The following DPP4 variants were observed in gnomAD, a reference collection of about 807,000 sequenced individuals.
The protein encoded by DPP4 is ADCP-2.
Under a neutral mutation model 122.4 loss-of-function variants are expected in DPP4, and 93 were observed. That is an observed-to-expected ratio of 0.76 (90% CI 0.64 to 0.90). The LOEUF (loss-of-function observed/expected upper bound fraction) is 0.90, where lower values mean the gene tolerates loss of function less well. Among genes scored for constraint, DPP4 ranks in the 40% least tolerant of loss-of-function variants. The pLI is 0.00. For synonymous variants in DPP4, 321 were observed against 302.9 expected (o/e 1.06, Z -0.62); for missense variants, 914 against 907.3 (o/e 1.01, Z -0.09).
chr2:162,044,089 G>C (rs1281633334), intron 5 of DPP4, among the ~76,000 whole-genome samples: 1 of 152,130 alleles, frequency 6.6e-6, no homozygotes, highest in Non-Finnish European at 1.5e-5. Context: ...TACTGATCTG[G>C]GGATTGAACC....
chr2:162,072,995 T>C (rs1685169114), intron 2 of DPP4, among the ~76,000 whole-genome samples: 1 of 152,206 alleles, frequency 6.6e-6, no homozygotes, highest in African/African-American at 2.4e-5. Context: ...CCATTTCAGA[T>C]ATCCTTACTG....
chr2:162,073,229 G>A lies in DPP4; in HGVS notation c.94+170C>T, dbSNP rs979320623. The stretch of plus-strand genomic sequence containing the variant: ...CTAAACACTGAAGACCCCGCGAAGT[G>A]AATCCAGCTGCTGCTCTACAAGCAG... On this transcript the variant is annotated intron_variant, in intron 2 of 25. Coordinates refer to ENST00000360534, the MANE Select transcript of DPP4 (RefSeq NM_001935.4). The A allele has an allele frequency of 3.2e-5, 20 of 616,852 alleles. No homozygotes were observed. In the African/African-American group the frequency reaches 3.6e-4, roughly 11 times the overall value. 38.2% of individuals were successfully genotyped at this position (616,852 alleles called of 1,614,324 possible). A position where few individuals can be genotyped will look rare whatever the true frequency, so the allele number is the denominator to read the frequency against.
At chr2:162,005,337 G>T (rs1701257285) in intron 23 of DPP4, among the ~76,000 whole-genome samples, 1 of 152,102 alleles carries the variant, frequency 6.6e-6, no homozygotes, top group Non-Finnish European at 1.5e-5. Context: ...AATTGGCTAT[G>T]AGTAAGAAAA....
intron 12 of DPP4, among the ~76,000 whole-genome samples, chr2:162,021,288 A>C (rs1360010629): frequency 1.3e-5 from 2 of 152,196 alleles, no homozygotes; most frequent in East Asian, 3.8e-4. Context: ...CATTTTGTTA[A>C]ATATGATCAA....
Position 161,994,693 on chromosome 2 carries a change from G to C in DPP4, c.2199+268C>G, listed in dbSNP as rs1431111771. ...TTACTTTTGAATCAAAATAGGGAGA[G>C]ACTGAACAATCACATGAACAGGAGA... On this transcript the variant is annotated intron_variant, in intron 25 of 25. Coordinates refer to ENST00000360534, the MANE Select transcript of DPP4 (RefSeq NM_001935.4). Among the ~76,000 whole-genome samples, 8 of 152,282 alleles carry C rather than the reference G, an allele frequency of 5.3e-5. No individual in the cohort carries two copies. The East Asian group carries it at 1.5e-3, about 29-fold the overall frequency.
intron 13 of DPP4, 107 bp from the exon 14 acceptor site, chr2:162,020,403 G>T: frequency 8.9e-7 from 1 of 1,125,488 alleles, no homozygotes; most frequent in Non-Finnish European, 1.3e-6. Context: ...AAATAACCTT[G>T]GATTTTCTTG....
chr2:162,020,384 C>A, intron 13 of DPP4, 88 bp from the exon 14 acceptor site: 2 of 1,182,818 alleles, frequency 1.7e-6, no homozygotes, highest in Middle Eastern at 2.3e-4. Context: ...TCATTTATAT[C>A]AGGAATTCAA....
chr2:162,053,787 T>C (rs1351303929), intron 2 of DPP4, among the ~76,000 whole-genome samples: 1 of 152,220 alleles, frequency 6.6e-6, no homozygotes, highest in African/African-American at 2.4e-5. Context: ...GGGACATGGC[T>C]ACCTCCACCT....
intron 2 of DPP4, among the ~76,000 whole-genome samples, chr2:162,063,318 ACTGCAC>A (rs1684845436): frequency 1.3e-5 from 2 of 152,334 alleles, no homozygotes; most frequent in African/African-American, 4.8e-5. Context: ...GCAGTTGTAT[ACTGCAC>A]CTAGAGCTCA....
At chr2:162,021,971 A>G (rs1422063137) in intron 12 of DPP4, among the ~76,000 whole-genome samples, 1 of 152,072 alleles carries the variant, frequency 6.6e-6, no homozygotes, top group Non-Finnish European at 1.5e-5. Context: ...TGGGGACCTC[A>G]CCTCTATGAT....
In DPP4 at chr2:162,053,067, T is replaced by C. The variant is rs185621579; in HGVS notation, c.95-5566A>G. Among the ~76,000 whole-genome samples, 384 of 152,272 alleles carry C rather than the reference T, an allele frequency of 2.5e-3. 8 individuals are homozygous for C. Among genetic ancestry groups the C allele is most frequent in the Non-Finnish European group, 4.9e-4 (33 of 68,010 alleles). On this transcript the variant is annotated intron_variant, in intron 2 of 25. Coordinates refer to ENST00000360534, the MANE Select transcript of DPP4 (RefSeq NM_001935.4). ...GAAAATGTGAGAAGAGAAAAACAAA[T>C]TATAGACAGAGTTCATAATCATAAG...
At chr2:162,019,196 A>T (rs1411738578) in intron 15 of DPP4, 27 bp downstream of exon 15, 2 of 1,583,384 alleles carry the variant, frequency 1.3e-6, no homozygotes, top group South Asian at 2.3e-5. Context: ...AAAATGACTC[A>T]AGTCAACAAC....
chr2:162,043,696 C>A (rs1479185630), intron 5 of DPP4, among the ~76,000 whole-genome samples: 1 of 152,172 alleles, frequency 6.6e-6, no homozygotes, highest in Non-Finnish European at 1.5e-5. Context: ...GGGTTCTCAG[C>A]CCTGGTTGCC....
chr2:162,004,346 A>G (rs1395438801), intron 23 of DPP4, among the ~76,000 whole-genome samples: 1 of 152,194 alleles, frequency 6.6e-6, no homozygotes, highest in Non-Finnish European at 1.5e-5. Flanking sequence ...GAAGAAGGAA[A>G]TGAGTGTCTA....
In DPP4 at chr2:162,074,101, A is replaced by G. The variant is rs1348431816; in HGVS notation, c.-120T>C. ...GGCGGTGGAGTCACTCGCCGCTGGC[A>G]AGTTTCGGCCCCGAGTTAAACATTA... On this transcript the variant is annotated 5_prime_UTR_variant, in exon 1 of 26. Coordinates refer to ENST00000360534, the MANE Select transcript of DPP4 (RefSeq NM_001935.4). 8 of 1,474,302 alleles carry G rather than the reference A, an allele frequency of 5.4e-6. No individual in the cohort carries two copies. Among genetic ancestry groups the G allele is most frequent in the Non-Finnish European group, 7.2e-6 (8 of 1,111,780 alleles). The allele number at this position is 1,474,302 out of a possible 1,614,324, so 91.3% of individuals were successfully genotyped here.
chr2:162,068,435 A>G (rs1032363159), intron 2 of DPP4, among the ~76,000 whole-genome samples: 14 of 152,284 alleles, frequency 9.2e-5, no homozygotes, highest in African/African-American at 3.4e-4. Flanking sequence ...AAGTTCCTTA[A>G]CTTCTTTGAT....
At chr2:162,072,197 GCCCTATAT>G (rs1237486317) in intron 2 of DPP4, among the ~76,000 whole-genome samples, 2 of 152,186 alleles carry the variant, frequency 1.3e-5, no homozygotes, top group Non-Finnish European at 2.9e-5. Context: ...AAGCCTGTAA[GCCCTATAT>G]TTATCAATTG....
intron 10 of DPP4, among the ~76,000 whole-genome samples, chr2:162,030,987 C>G (rs991014807): frequency 6.6e-6 from 1 of 152,186 alleles, no homozygotes; most frequent in African/African-American, 2.4e-5. Flanking sequence ...ACAGCTGTGC[C>G]TTGGAAACGG....
At chr2:162,071,075 G>T (rs545282648) in intron 2 of DPP4, among the ~76,000 whole-genome samples, 1 of 152,196 alleles carries the variant, frequency 6.6e-6, no homozygotes, top group East Asian at 1.9e-4. Flanking sequence ...TCCCCCTCCA[G>T]TGTTGCTCCA....
Sources: gnomAD v4.1 joint callset for allele counts (sites outside exome capture counted in the v4.1 genomes callset) on GRCh38, gnomAD v4.1.1 for gene constraint, MANE v1.5 for transcripts, NCBI Gene and HGNC (gene_info 2026-07-23, HGNC 2026-07-21) for gene names.